NDUFAF6: variants seen among roughly 807,000 people sequenced by gnomAD.
The protein encoded by NDUFAF6 is NADH:ubiquinone oxidoreductase complex assembly factor 6.
In NDUFAF6, 45 loss-of-function variants were observed where a neutral mutation model predicts 40.8. The observed-to-expected ratio is 1.10, with a 90% CI of 0.87 to 1.42. The LOEUF (loss-of-function observed/expected upper bound fraction) is 1.42. NDUFAF6 is among the 40% of genes most tolerant of loss of function. NDUFAF6 has a pLI of 0.00. For synonymous variants in NDUFAF6, 185 were observed against 155.9 expected (o/e 1.19, Z -1.39); for missense variants, 435 against 418.5 (o/e 1.04, Z -0.34).
chr8:94,935,373 G>A (rs905761008), intron 1 of NDUFAF6, among the ~76,000 whole-genome samples: 11 of 152,142 alleles, frequency 7.2e-5, no homozygotes, highest in African/African-American at 2.7e-4. Flanking sequence ...CTAATTAACT[G>A]GGTAATGGGG....
At chr8:95,001,646 C>T (rs1826739851) in intron 2 of NDUFAF6, among the ~76,000 whole-genome samples, 2 of 152,126 alleles carry the variant, frequency 1.3e-5, no homozygotes, top group Admixed American at 1.3e-4. Context: ...CCAAGATTAT[C>T]CAAAAACTAG....
chr8:94,946,006 C>T (rs1484673736), intron 2 of NDUFAF6, among the ~76,000 whole-genome samples: 3 of 152,132 alleles, frequency 2.0e-5, no homozygotes, highest in African/African-American at 7.2e-5. Flanking sequence ...CAATTATAAA[C>T]TGAACAAAAC....
At chr8:94,936,559 G>A (rs1182402851) in intron 1 of NDUFAF6, among the ~76,000 whole-genome samples, 3 of 152,158 alleles carry the variant, frequency 2.0e-5, no homozygotes, top group Admixed American at 6.5e-5. Flanking sequence ...TTTTCCTAGC[G>A]ATGATGGAAG....
At chr8:95,047,899 C>T (rs1376605906) in intron 6 of NDUFAF6, among the ~76,000 whole-genome samples, 2 of 151,924 alleles carry the variant, frequency 1.3e-5, no homozygotes, top group South Asian at 2.1e-4. Flanking sequence ...ATTCTACCTA[C>T]AACTTGTTAA....
chr8:94,931,347 CAG>C (rs1227202163), intron 1 of NDUFAF6, among the ~76,000 whole-genome samples: 1 of 152,142 alleles, frequency 6.6e-6, no homozygotes, highest in South Asian at 2.1e-4. Context: ...TATCTCACAA[CAG>C]GGCACATTTT....
chr8:95,001,821 A>G (rs1826749646), intron 2 of NDUFAF6, among the ~76,000 whole-genome samples: 1 of 152,266 alleles, frequency 6.6e-6, no homozygotes, highest in South Asian at 2.1e-4. Flanking sequence ...AGATATTCCC[A>G]GAGCATCTGC....
intron 1 of NDUFAF6, among the ~76,000 whole-genome samples, chr8:94,962,403 G>A (rs958190049): frequency 3.9e-5 from 6 of 151,954 alleles, no homozygotes; most frequent in African/African-American, 7.3e-5. Context: ...AGCAATTCTC[G>A]TGCCTCAGCC....
chr8:94,923,333 C>T (rs573689143), intron 1 of NDUFAF6, among the ~76,000 whole-genome samples: 2 of 152,348 alleles, frequency 1.3e-5, no homozygotes, highest in East Asian at 3.9e-4. Context: ...TGTTCTCTAT[C>T]TGCACTGTCC....
chr8:95,054,963 A>G (rs1365770356), intron 8 of NDUFAF6, among the ~76,000 whole-genome samples: 1 of 152,254 alleles, frequency 6.6e-6, no homozygotes, highest in Admixed American at 6.5e-5. Context: ...ATGAGGTTTC[A>G]AGAATTCATA....
At chr8:95,039,701 C>T (rs1829946184) in intron 3 of NDUFAF6, among the ~76,000 whole-genome samples, 1 of 151,894 alleles carries the variant, frequency 6.6e-6, no homozygotes, top group African/African-American at 2.4e-5. Context: ...GATCATAGCT[C>T]ACTGCCACCT....
intron 2 of NDUFAF6, among the ~76,000 whole-genome samples, chr8:95,017,616 T>C (rs1236590189): frequency 6.6e-6 from 1 of 152,238 alleles, no homozygotes; most frequent in Non-Finnish European, 1.5e-5. Flanking sequence ...TGTCTACTTC[T>C]ATCCAGTTTT....
chr8:95,044,310 A>G (rs1251084026), intron 4 of NDUFAF6, among the ~76,000 whole-genome samples: 1 of 152,100 alleles, frequency 6.6e-6, no homozygotes, highest in African/African-American at 2.4e-5. Context: ...TAGTAGTGAT[A>G]GCTGCACAAC....
Position 95,046,223 on chromosome 8 carries a change from G to C in NDUFAF6, c.580+576G>C, listed in dbSNP as rs1313419555. The stretch of plus-strand genomic sequence containing the variant: ...CTACAGGGACGTGCCACCACGCCCA[G>C]CTAAATTTTGTACTTTTAGTAGAGA... On this transcript the variant is annotated intron_variant, in intron 5 of 8. Coordinates refer to ENST00000396124, the MANE Select transcript of NDUFAF6 (RefSeq NM_152416.4). 2.0e-5 allele frequency among the ~76,000 whole-genome samples: 3 copies of C among 152,082 alleles called. No individual in the cohort carries two copies. In the East Asian group the frequency reaches 5.8e-4, roughly 29 times the overall value.
chr8:94,994,135 C>T (rs1826312992), intron 2 of NDUFAF6, among the ~76,000 whole-genome samples: 1 of 152,122 alleles, frequency 6.6e-6, no homozygotes, highest in South Asian at 2.1e-4. Context: ...TTTCCCTGCC[C>T]CATTTATGTT....
In NDUFAF6 at chr8:95,084,357, A is replaced by G. The variant is rs966595891; in HGVS notation, n.213+8605A>G. 1.1e-4 allele frequency among the ~76,000 whole-genome samples: 17 copies of G among 152,138 alleles called. No individual in the cohort carries two copies. The South Asian group carries it at 2.9e-3, about 26-fold the overall frequency. Reference sequence around the variant, plus strand: ...ATAAAGACTTTAAAAAACTACTACCACATCTTTTAAAAAATAAATAATTTT... The same window carrying G: ...ATAAAGACTTTAAAAAACTACTACCGCATCTTTTAAAAAATAAATAATTTT... On this transcript the variant is annotated intron_variant and non_coding_transcript_variant, in intron 2 of 5. Transcript: ENST00000523184.
intron 2 of NDUFAF6, chr8:95,034,245 A>C (rs915628424): frequency 2.8e-6 from 1 of 353,870 alleles, no homozygotes; most frequent in Non-Finnish European, 5.7e-6. Context: ...GAGTAACTTG[A>C]CTATATCATG....
chr8:95,113,171 C>CTGACTTTAGTCTGA lies in NDUFAF6; in HGVS notation n.345-2363_345-2350dup, dbSNP rs1810043410. 2.0e-5 allele frequency among the ~76,000 whole-genome samples: 3 copies of CTGACTTTAGTCTGA among 152,166 alleles called. No individual in the cohort carries two copies. In the South Asian group the frequency reaches 6.2e-4, roughly 32 times the overall value. On this transcript the variant is annotated intron_variant and non_coding_transcript_variant, in intron 4 of 5. Coordinates refer to the NDUFAF6 transcript ENST00000523184. ...GAGGAAGGGCTGGAAACCTGGTGGC[C>CTGACTTTAGTCTGA]TGACTTTAGTCTGATTTTTTGTGGG...
At chr8:95,043,836 C>A (rs938297639) in intron 4 of NDUFAF6, among the ~76,000 whole-genome samples, 5 of 152,160 alleles carry the variant, frequency 3.3e-5, no homozygotes, top group African/African-American at 1.2e-4. Context: ...GCAACTTTTT[C>A]TTCGAAGAGA....
chr8:94,947,208 ACTATGGGT>A (rs1366519691), intron 2 of NDUFAF6, among the ~76,000 whole-genome samples: 2 of 151,994 alleles, frequency 1.3e-5, no homozygotes, highest in African/African-American at 4.8e-5. Flanking sequence ...CCCAGTCTCA[ACTATGGGT>A]CTACGAACTT....
Sources: allele counts gnomAD v4.1 joint callset (sites outside exome capture counted in the v4.1 genomes callset), GRCh38; gene constraint gnomAD v4.1.1; transcripts MANE v1.5; gene names NCBI Gene and HGNC (gene_info 2026-07-23, HGNC 2026-07-21).